The following NEK11 variants were observed in gnomAD, a reference collection of about 807,000 sequenced individuals.
NEK11 encodes the protein NIMA related kinase 11.
Under a neutral mutation model 80.7 loss-of-function variants are expected in NEK11, and 72 were observed. That is an observed-to-expected ratio of 0.89 (90% CI 0.74 to 1.08). The LOEUF is 1.08. Ranked by LOEUF, NEK11 falls within the 50% of genes least tolerant of loss-of-function variation. The pLI is 0.00. For missense variants in NEK11, 764 were observed against 763.6 expected, an observed-to-expected ratio of 1.00 and a Z score of -0.01; for synonymous variants, 251 against 260.7, an observed-to-expected ratio of 0.96 and a Z score of 0.36.
intron 14 of NEK11, among the ~76,000 whole-genome samples, chr3:131,205,054 G>A (rs2094403217): frequency 6.6e-6 from 1 of 152,068 alleles, no homozygotes; most frequent in Admixed American, 6.6e-5. Flanking sequence ...GAGGCCAAGT[G>A]GACTGGCGAT....
intron 17 of NEK11, among the ~76,000 whole-genome samples, chr3:131,323,453 C>T (rs1200997053): frequency 6.6e-6 from 1 of 150,808 alleles, no homozygotes; most frequent in Non-Finnish European, 1.5e-5. Flanking sequence ...ACTACCTTGG[C>T]CTTCCTGGTC....
At chr3:131,058,449 G>C (rs2070101733) in intron 3 of NEK11, among the ~76,000 whole-genome samples, 1 of 152,090 alleles carries the variant, frequency 6.6e-6, no homozygotes. Flanking sequence ...GCTTGATGGG[G>C]ATGGCATTGA....
At chr3:131,122,339 C>T (rs532390977) in intron 5 of NEK11, among the ~76,000 whole-genome samples, 3 of 152,310 alleles carry the variant, frequency 2.0e-5, no homozygotes, top group African/African-American at 7.2e-5. Flanking sequence ...GGATATCCTG[C>T]AGTCACTTTT....
chr3:131,115,809 C>G (rs560673340), intron 5 of NEK11, among the ~76,000 whole-genome samples: 1 of 152,142 alleles, frequency 6.6e-6, no homozygotes, highest in Non-Finnish European at 1.5e-5. Context: ...TACTCCAAGA[C>G]GGCTTCCTCA....
intron 17 of NEK11, among the ~76,000 whole-genome samples, chr3:131,328,176 G>C (rs2097005624): frequency 6.6e-6 from 1 of 151,968 alleles, no homozygotes; most frequent in African/African-American, 2.4e-5. Flanking sequence ...TGTAGTCCCA[G>C]CTATTCTACA....
At chr3:131,225,786 AT>A (rs1368306109) in intron 14 of NEK11, among the ~76,000 whole-genome samples, 1 of 152,220 alleles carries the variant, frequency 6.6e-6, no homozygotes, top group Non-Finnish European at 1.5e-5. Flanking sequence ...CATTAAAAAA[AT>A]AATTGAACAG....
chr3:131,261,196 A>T (rs1377515106), intron 16 of NEK11, among the ~76,000 whole-genome samples: 2 of 152,216 alleles, frequency 1.3e-5, no homozygotes, highest in African/African-American at 4.8e-5. Context: ...AGGAATCCTG[A>T]CAATATTACT....
Position 131,152,612 on chromosome 3 carries a change from TTC to T in NEK11, c.798-17_798-16del. 1 of 1,608,600 alleles carries T rather than the reference TTC, an allele frequency of 6.2e-7. No individual in the cohort carries two copies. Among genetic ancestry groups the T allele is most frequent in the Non-Finnish European group, 8.5e-7 (1 of 1,177,944 alleles). On this transcript the variant is annotated splice_polypyrimidine_tract_variant and intron_variant, in intron 8 of 17. Coordinates refer to ENST00000383366, the MANE Select transcript of NEK11 (RefSeq NM_024800.5). ...ATTTTAGTTTACCTGAAAAATAATT[TTC>T]TGTTTAAACATTACAGCATGTTGAA...
At chr3:131,198,411 G>A (rs1329150738) in intron 14 of NEK11, among the ~76,000 whole-genome samples, 1 of 152,202 alleles carries the variant, frequency 6.6e-6, no homozygotes, top group Admixed American at 6.5e-5. Context: ...TTGCACAAGT[G>A]CGCAGTCACA....
intron 17 of NEK11, among the ~76,000 whole-genome samples, chr3:131,288,701 C>T (rs189367265): frequency 9.0e-4 from 137 of 152,190 alleles, no homozygotes; most frequent in African/African-American, 3.2e-3. Flanking sequence ...ATCCACCCGC[C>T]TTGGCCTCCC....
chr3:131,040,795 A>G (rs2109629904), intron 3 of NEK11, among the ~76,000 whole-genome samples: 1 of 152,316 alleles, frequency 6.6e-6, no homozygotes, highest in African/African-American at 2.4e-5. Context: ...GAAAATTTGG[A>G]ACATTGAATT....
At chr3:131,322,099 T>C (rs2096903213) in intron 17 of NEK11, among the ~76,000 whole-genome samples, 1 of 152,206 alleles carries the variant, frequency 6.6e-6, no homozygotes, top group South Asian at 2.1e-4. Context: ...TAGGTGCTCA[T>C]CAGTGGGGGA....
chr3:131,296,513 T>A (rs1290308770), intron 17 of NEK11, among the ~76,000 whole-genome samples: 1 of 152,192 alleles, frequency 6.6e-6, no homozygotes, highest in Non-Finnish European at 1.5e-5. Flanking sequence ...ATTCCCTCAA[T>A]TTTTGTTTGT....
At chr3:131,295,370 A>G (rs1459210991) in intron 17 of NEK11, among the ~76,000 whole-genome samples, 1 of 152,096 alleles carries the variant, frequency 6.6e-6, no homozygotes, top group Non-Finnish European at 1.5e-5. Context: ...AAATGCTCCA[A>G]TGAGTATTTC....
rs903162034 is a variant in NEK11, at chr3:131,254,355, T to A, written c.1621+10859T>A. 3.9e-5 allele frequency among the ~76,000 whole-genome samples: 6 copies of A among 152,288 alleles called. No individual in the cohort carries two copies. In the South Asian group the frequency reaches 8.3e-4, roughly 21 times the overall value. ...AGGTGAAAAACACAATAGTGCAAGA[T>A]TAACTGACTTTAAGTCATCACCACA... is the stretch of plus-strand genomic sequence containing the variant. On this transcript the variant is annotated intron_variant, in intron 16 of 17. Transcript: ENST00000383366.
At chr3:131,205,246 GAA>G (rs2094409542) in intron 14 of NEK11, among the ~76,000 whole-genome samples, 2 of 152,284 alleles carry the variant, frequency 1.3e-5, no homozygotes, top group Middle Eastern at 6.8e-3. Context: ...TGGTAAATAA[GAA>G]ATGAAAGTGT....
At chr3:131,200,382 T>C (rs1361501890) in intron 14 of NEK11, among the ~76,000 whole-genome samples, 1 of 152,196 alleles carries the variant, frequency 6.6e-6, no homozygotes, top group Non-Finnish European at 1.5e-5. Flanking sequence ...CTTCCATTAC[T>C]GGTGGGAGTA....
chr3:131,169,597 C>G (rs897313414), intron 13 of NEK11, among the ~76,000 whole-genome samples: 1 of 152,086 alleles, frequency 6.6e-6, no homozygotes, highest in South Asian at 2.1e-4. Flanking sequence ...TAAGACAGGC[C>G]AGGTCTGTCT....
chr3:131,283,673 TCA>T (rs1053830899), intron 17 of NEK11, among the ~76,000 whole-genome samples: 2 of 152,304 alleles, frequency 1.3e-5, no homozygotes, highest in African/African-American at 4.8e-5. Context: ...GGTTCTTTTC[TCA>T]TTCCTTTTCC....
Sources: gnomAD v4.1 joint callset for allele counts (sites outside exome capture counted in the v4.1 genomes callset) on GRCh38, gnomAD v4.1.1 for gene constraint, MANE v1.5 for transcripts, NCBI Gene and HGNC (gene_info 2026-07-23, HGNC 2026-07-21) for gene names.